Variants in CMPK2 observed in about 807,000 individuals in gnomAD.
CMPK2 encodes UMP-CMP kinase 2, mitochondrial.
A neutral mutation model predicts 33.4 loss-of-function variants in CMPK2; 32 were observed. That is an observed-to-expected ratio of 0.96 (90% CI 0.72 to 1.29). The LOEUF (loss-of-function observed/expected upper bound fraction) is 1.29. CMPK2 is among the 50% of genes most tolerant of loss of function. The pLI, the probability that CMPK2 is intolerant of heterozygous loss-of-function variation, is 0.00. For missense variants in CMPK2, 672 were observed against 616.0 expected (o/e 1.09, Z -0.96); for synonymous variants, 299 against 275.3 (o/e 1.09, Z -0.85).
At chr2:6,846,491 C>T (rs553052437), downstream of CMPK2, among the ~76,000 whole-genome samples, 18 of 152,274 alleles carry the variant, frequency 1.2e-4, no homozygotes, top group African/African-American at 3.9e-4. Context: ...TATTAAGATA[C>T]CAACTAACTC....
chr2:6,861,395 A>G lies in CMPK2; in HGVS notation c.791-10T>C, dbSNP rs1662878772. On this transcript the variant is annotated splice_polypyrimidine_tract_variant and intron_variant, in intron 2 of 4. Coordinates refer to ENST00000256722, the MANE Select transcript of CMPK2 (RefSeq NM_207315.4). Reference sequence around the variant, plus strand: ...GTCACCGTGGTTTTACCTGCAGGTCATACACAAAATATATACATCTTAACC... The same window carrying G: ...GTCACCGTGGTTTTACCTGCAGGTCGTACACAAAATATATACATCTTAACC... The G allele has an allele frequency of 6.2e-7, 1 of 1,608,194 alleles. No individual in the cohort carries two copies. The highest frequency in any genetic ancestry group is 8.5e-7 in the Non-Finnish European group (1 of 1,174,980).
chr2:6,845,999 C>G (rs181996755), downstream of CMPK2, among the ~76,000 whole-genome samples: 212 of 152,132 alleles, frequency 1.4e-3, no homozygotes, highest in African/African-American at 5.0e-3. Flanking sequence ...AGGACATGGG[C>G]TCTGATCACT....
At position 6,865,339 on chromosome 2, in the gene CMPK2, G is replaced by C; in HGVS notation, c.358C>G (p.Pro120Ala). ...CQLLRLLCYC[P>A]GGQAGGAQQG... ...TGTGCGCCGCCGGCCTGGCCGCCCGGGCAGTAGCAGAGCAGCCTGAGCAGC... is the reference window on the plus strand; with the variant it reads ...TGTGCGCCGCCGGCCTGGCCGCCCGCGCAGTAGCAGAGCAGCCTGAGCAGC... Residue 120 changes from proline to alanine, a missense_variant, in exon 1 of 5, where the codon CCG becomes GCG. Pro to Ala is a conservative substitution (Grantham distance 27). Coordinates refer to ENST00000256722, the MANE Select transcript of CMPK2 (RefSeq NM_207315.4). 1 of 1,484,818 alleles carries C rather than the reference G, an allele frequency of 6.7e-7. No homozygotes were observed. The highest frequency in any genetic ancestry group is 8.9e-7 in the Non-Finnish European group (1 of 1,125,398). The allele number at this position is 1,484,818 out of a possible 1,614,324, so 92.0% of individuals were successfully genotyped here.
intron 3 of CMPK2, among the ~76,000 whole-genome samples, chr2:6,858,494 A>G (rs902929990): frequency 2.6e-5 from 4 of 152,282 alleles, no homozygotes; most frequent in East Asian, 3.9e-4. Context: ...CTCAAATCTC[A>G]TCTTGAATTC....
Position 6,851,651 on chromosome 2 carries a change from G to T in CMPK2, c.1025C>A (p.Ala342Asp), listed in dbSNP as rs763211338. ...YWHSTATYAI[A>D]TEVSGGLQHL... Reference sequence around the variant, plus strand: ...CTGGAGACCCCCACTCACCTCAGTGGCTATGGCATAGGTGGCCGTGCTGTG... The same window carrying T: ...CTGGAGACCCCCACTCACCTCAGTGTCTATGGCATAGGTGGCCGTGCTGTG... Residue 342 changes from alanine (A) to aspartate (D), a missense_variant, in exon 4 of 5, where the codon GCC becomes GAC. Physicochemically the swap from Ala to Asp is moderately radical, Grantham distance 126 (BLOSUM62 -2). Coordinates refer to ENST00000256722, the MANE Select transcript of CMPK2 (RefSeq NM_207315.4). 6.2e-7 allele frequency: 1 copy of T among 1,614,166 alleles called. No individual in the cohort carries two copies. The highest frequency in any genetic ancestry group is 2.2e-5 in the East Asian group (1 of 44,874).
chr2:6,843,133 C>T (rs765114298), intron 3 of CMPK2, among the ~76,000 whole-genome samples: 11 of 152,182 alleles, frequency 7.2e-5, no homozygotes, highest in Non-Finnish European at 1.6e-4. Context: ...ATCCCTGAGG[C>T]AGTACTGTCC....
rs750846121 is a variant in CMPK2 at position 6,848,818 on chromosome 2, C to T, written c.*1032G>A. 6 of 985,766 alleles carry T rather than the reference C, an allele frequency of 6.1e-6. No individual in the cohort carries two copies. Among genetic ancestry groups the T allele is most frequent in the Non-Finnish European group, 7.2e-6 (6 of 829,900 alleles). The allele number at this position is 985,766 out of a possible 1,614,324, so 61.1% of individuals were successfully genotyped here. A position where few individuals can be genotyped will look rare whatever the true frequency, so the allele number is the denominator to read the frequency against. Reference sequence around the variant, plus strand: ...TACTTTTTTCTGTCTAAAGATATGTCAAAGCGATTTCATATGTAATCATGA... The same window carrying T: ...TACTTTTTTCTGTCTAAAGATATGTTAAAGCGATTTCATATGTAATCATGA... On this transcript the variant is annotated 3_prime_UTR_variant, in exon 5 of 5. Coordinates refer to ENST00000256722, the MANE Select transcript of CMPK2 (RefSeq NM_207315.4).
chr2:6,859,805 G>A (rs1662820317), intron 3 of CMPK2, among the ~76,000 whole-genome samples: 1 of 152,236 alleles, frequency 6.6e-6, no homozygotes, highest in Admixed American at 6.5e-5. Flanking sequence ...TCCCTACTGG[G>A]GCACTACCTA....
chr2:6,857,659 C>T (rs368319721), intron 3 of CMPK2, among the ~76,000 whole-genome samples: 3 of 126,112 alleles, frequency 2.4e-5, no homozygotes, highest in Non-Finnish European at 3.2e-5. Flanking sequence ...TTTTTTGAGA[C>T]GGAGTCTCGC....
At chr2:6,853,429 T>C (rs1662585083) in intron 3 of CMPK2, among the ~76,000 whole-genome samples, 1 of 152,176 alleles carries the variant, frequency 6.6e-6, no homozygotes. Flanking sequence ...TAAGCTAATA[T>C]AGCCTCCATC....
At chr2:6,855,773 C>G (rs146900662) in intron 3 of CMPK2, among the ~76,000 whole-genome samples, 1 of 152,290 alleles carries the variant, frequency 6.6e-6, no homozygotes, top group South Asian at 2.1e-4. Flanking sequence ...CTAGCTGATT[C>G]TTTTTCCTTT....
chr2:6,858,499 G>T (rs1325663483), intron 3 of CMPK2, among the ~76,000 whole-genome samples: 1 of 152,122 alleles, frequency 6.6e-6, no homozygotes, highest in African/African-American at 2.4e-5. Flanking sequence ...ATCTCATCTT[G>T]AATTCCCACA....
Position 6,849,941 on chromosome 2 carries a change from G to C in CMPK2, c.1259C>G (p.Pro420Arg). Residue 420 changes from proline (P) to arginine (R), a missense_variant, in exon 5 of 5, where the codon CCT becomes CGT. Pro to Arg is a moderately radical substitution (Grantham distance 103, BLOSUM62 -2). Coordinates refer to ENST00000256722, the MANE Select transcript of CMPK2 (RefSeq NM_207315.4). The part of the protein sequence containing the change: ...VEMSYQRMEN[P>R]GCHVVDASPS... Reference sequence around the variant, plus strand: ...GCTGGCATCAACCACATGGCAGCCAGGATTCTCCATCCGCTGGTAGGACAT... The same window carrying C: ...GCTGGCATCAACCACATGGCAGCCACGATTCTCCATCCGCTGGTAGGACAT... The C allele has an allele frequency of 6.2e-7, 1 of 1,614,170 alleles. No homozygotes were observed. Among genetic ancestry groups the C allele is most frequent in the Non-Finnish European group, 8.5e-7 (1 of 1,180,002 alleles).
At chr2:6,865,974 G>T, upstream of CMPK2, 2 of 972,692 alleles carry the variant, frequency 2.1e-6, no homozygotes, top group Non-Finnish European at 1.4e-6. Context: ...GCGGCTCCGC[G>T]GGCCTGCGCG....
In CMPK2 at chr2:6,865,429, G is replaced by T; in HGVS notation, c.268C>A (p.Arg90=). Residue 90 remains arginine, a synonymous_variant, in exon 1 of 5, where the codon CGG becomes AGG. Transcript: ENST00000256722. ...TPDAGCGARV[R]AARLHQRLLH... The stretch of plus-strand genomic sequence containing the variant: ...AGGCGCTGGTGCAGCCGCGCCGCCC[G>T]GACCCGGGCCCCGCAGCCGGCGTCC... 1 of 1,293,362 alleles carries T rather than the reference G, an allele frequency of 7.7e-7. No homozygotes were observed. The highest frequency in any genetic ancestry group is 9.7e-7 in the Non-Finnish European group (1 of 1,026,476). 80.1% of individuals were successfully genotyped at this position (1,293,362 alleles called of 1,614,324 possible).
chr2:6,862,563 A>C (rs1662914178), intron 2 of CMPK2, among the ~76,000 whole-genome samples: 1 of 152,252 alleles, frequency 6.6e-6, no homozygotes, highest in Admixed American at 6.5e-5. Flanking sequence ...AAAACACATC[A>C]GCTGAAGGAT....
In CMPK2 at chr2:6,863,553, C is replaced by A. The variant is rs777709920; in HGVS notation, c.701G>T (p.Arg234Leu). ...CTGGTCGACCAGGTCAAGCACTGCC[C>A]GGGCTTCAGGAATAAAGGAGGTACA... ...EECTSFIPEA[R>L]AVLDLVDQCP... Residue 234 changes from arginine to leucine, a missense_variant, in exon 2 of 5, where the codon CGG (arginine) becomes CTG (leucine). By Grantham distance (102) the Arg-to-Leu change is moderately radical. Coordinates refer to ENST00000256722, the MANE Select transcript of CMPK2 (RefSeq NM_207315.4). The A allele has an allele frequency of 2.5e-6, 4 of 1,613,954 alleles. No individual in the cohort carries two copies. Among genetic ancestry groups the A allele is most frequent in the Non-Finnish European group, 2.5e-6 (3 of 1,179,992 alleles).
chr2:6,856,987 T>C (rs1662723492), intron 3 of CMPK2, among the ~76,000 whole-genome samples: 1 of 152,266 alleles, frequency 6.6e-6, no homozygotes, highest in East Asian at 1.9e-4. Context: ...GTTTCTTCAG[T>C]AGGCAGGAGC....
In CMPK2 at chr2:6,848,765, C is replaced by G. The variant is rs1275099956; in HGVS notation, c.*1085G>C. 3.1e-5 allele frequency: 31 copies of G among 985,658 alleles called. No homozygotes were observed. The highest frequency in any genetic ancestry group is 3.6e-5 in the Non-Finnish European group (30 of 829,862). 61.1% of individuals were successfully genotyped at this position (985,658 alleles called of 1,614,324 possible). A position where few individuals can be genotyped will look rare whatever the true frequency, so the allele number is the denominator to read the frequency against. ...GTTCAACCTACTCCCTAAAGTCACA[C>G]AGCTCTATAATTTCCCCCTCACTCA... is the stretch of plus-strand genomic sequence containing the variant. On this transcript the variant is annotated 3_prime_UTR_variant, in exon 5 of 5. Transcript: ENST00000256722.
Sources: gnomAD v4.1 joint callset for allele counts (sites outside exome capture counted in the v4.1 genomes callset) on GRCh38, gnomAD v4.1.1 for gene constraint, MANE v1.5 for transcripts, NCBI Gene and HGNC (gene_info 2026-07-23, HGNC 2026-07-21) for gene names.